The following LRRTM4 variants were observed in gnomAD, a reference collection of about 807,000 sequenced individuals.
The protein encoded by LRRTM4 is leucine rich repeat transmembrane neuronal 4, also known as leucine-rich repeat transmembrane neuronal protein 4.
In LRRTM4, 25 loss-of-function variants were observed where a neutral mutation model predicts 47.6. That is an observed-to-expected ratio of 0.53 (90% CI 0.38 to 0.73). The LOEUF (loss-of-function observed/expected upper bound fraction) is 0.73. Among genes scored for constraint, LRRTM4 ranks in the 30% least tolerant of loss-of-function variants. The pLI is 0.00. For missense variants in LRRTM4, 638 were observed against 713.4 expected, an observed-to-expected ratio of 0.89 and a Z score of 1.20; for synonymous variants, 311 against 269.5, an observed-to-expected ratio of 1.15 and a Z score of -1.51.
At chr2:76,802,321 A>G (rs1469908510) in intron 3 of LRRTM4, among the ~76,000 whole-genome samples, 1 of 152,070 alleles carries the variant, frequency 6.6e-6, no homozygotes, top group African/African-American at 2.4e-5. Context: ...TAGCATTTAT[A>G]TATACTAACA....
intron 3 of LRRTM4, among the ~76,000 whole-genome samples, chr2:76,943,772 G>C (rs1481068893): frequency 6.6e-6 from 1 of 152,094 alleles, no homozygotes; most frequent in African/African-American, 2.4e-5. Context: ...TGAATTATTA[G>C]CATGTAATCC....
chr2:77,263,789 C>T (rs992084112), intron 3 of LRRTM4, among the ~76,000 whole-genome samples: 3 of 152,020 alleles, frequency 2.0e-5, no homozygotes, highest in African/African-American at 4.8e-5. Flanking sequence ...TTTCTCTCTT[C>T]CCCTACTATA....
At chr2:77,085,409 T>C (rs1680678328) in intron 3 of LRRTM4, among the ~76,000 whole-genome samples, 1 of 151,564 alleles carries the variant, frequency 6.6e-6, no homozygotes. Flanking sequence ...TTTAAGGATG[T>C]TATTTGTATA....
intron 3 of LRRTM4, among the ~76,000 whole-genome samples, chr2:76,762,143 C>A (rs949484841): frequency 6.6e-6 from 1 of 152,156 alleles, no homozygotes; most frequent in Non-Finnish European, 1.5e-5. Flanking sequence ...CCAGTATGTA[C>A]CCTCATGGTC....
At chr2:77,243,080 T>C (rs1675314306) in intron 3 of LRRTM4, among the ~76,000 whole-genome samples, 2 of 152,062 alleles carry the variant, frequency 1.3e-5, no homozygotes, top group African/African-American at 4.8e-5. Context: ...TGGATTAACC[T>C]TGAGGAAATT....
rs192377702 is a variant in LRRTM4 at position 77,159,017 on chromosome 2, A to C, written c.1551+359301T>G. Reference sequence around the variant, plus strand: ...ACATAGCTTAATATTTTAACCACTAAACCAGACTTTATATCACTGTTTTGA... The same window carrying C: ...ACATAGCTTAATATTTTAACCACTACACCAGACTTTATATCACTGTTTTGA... On this transcript the variant is annotated intron_variant, in intron 3 of 3. Transcript: ENST00000409884. 5.1e-3 allele frequency among the ~76,000 whole-genome samples: 773 copies of C among 152,302 alleles called. 6 individuals are homozygous for C. The highest frequency in any genetic ancestry group is 0.018 in the African/African-American group (736 of 41,570).
chr2:76,821,486 C>T (rs1671051542), intron 3 of LRRTM4, among the ~76,000 whole-genome samples: 1 of 151,600 alleles, frequency 6.6e-6, no homozygotes, highest in African/African-American at 2.4e-5. Context: ...ATTTCTAAAA[C>T]ATCACAAGAA....
intron 3 of LRRTM4, among the ~76,000 whole-genome samples, chr2:76,996,788 G>A (rs1677217959): frequency 6.6e-6 from 1 of 152,154 alleles, no homozygotes; most frequent in Non-Finnish European, 1.5e-5. Flanking sequence ...ATGAAATTAA[G>A]TGTAGTTATA....
At chr2:77,398,221 T>C (rs1673779868) in intron 3 of LRRTM4, among the ~76,000 whole-genome samples, 1 of 151,874 alleles carries the variant, frequency 6.6e-6, no homozygotes, top group South Asian at 2.1e-4. Flanking sequence ...AACTGGGTCA[T>C]TTCACAGAAT....
intron 3 of LRRTM4, among the ~76,000 whole-genome samples, chr2:76,974,215 TATATATACATAC>T (rs1336350488): frequency 2.1e-5 from 2 of 96,160 alleles, no homozygotes; most frequent in Non-Finnish European, 4.3e-5. Context: ...TATATACACA[TATATATACATAC>T]ATATATATAT....
chr2:76,882,476 G>C (rs1016218042), intron 3 of LRRTM4, among the ~76,000 whole-genome samples: 1 of 151,782 alleles, frequency 6.6e-6, no homozygotes, highest in Non-Finnish European at 1.5e-5. Flanking sequence ...CAGATCTCTT[G>C]AGCTTAGGAG....
intron 3 of LRRTM4, among the ~76,000 whole-genome samples, chr2:76,844,858 A>C (rs997834397): frequency 6.6e-6 from 1 of 152,156 alleles, no homozygotes; most frequent in Non-Finnish European, 1.5e-5. Context: ...AGTCTTTTTA[A>C]AAAACAGAAT....
At chr2:76,932,032 G>T in intron 3 of LRRTM4, among the ~76,000 whole-genome samples, 1 of 152,122 alleles carries the variant, frequency 6.6e-6, no homozygotes, top group Non-Finnish European at 1.5e-5. Flanking sequence ...GAGAATTGAT[G>T]ACTTCGATCA....
chr2:76,777,392 C>A, intron 3 of LRRTM4, among the ~76,000 whole-genome samples: 4 of 144,474 alleles, frequency 2.8e-5, no homozygotes, highest in East Asian at 2.2e-4. Context: ...TACCCATGAG[C>A]ATGGAATGTT....
intron 3 of LRRTM4, among the ~76,000 whole-genome samples, chr2:77,369,453 G>C (rs2103765311): frequency 6.6e-6 from 1 of 151,676 alleles, no homozygotes; most frequent in South Asian, 2.1e-4. Flanking sequence ...GGATAAATAA[G>C]GCAAAAAATA....
chr2:77,383,059 T>C (rs1470342728), intron 3 of LRRTM4, among the ~76,000 whole-genome samples: 1 of 152,058 alleles, frequency 6.6e-6, no homozygotes, highest in Non-Finnish European at 1.5e-5. Context: ...ATACAGAGGA[T>C]AGGGAGAATA....
At chr2:76,844,322 A>G (rs1329110394) in intron 3 of LRRTM4, among the ~76,000 whole-genome samples, 6 of 151,978 alleles carry the variant, frequency 3.9e-5, no homozygotes, top group Non-Finnish European at 7.4e-5. Flanking sequence ...TTTTTGGTAG[A>G]GACGAGGTTT....
At chr2:77,013,231 G>A (rs565137241) in intron 3 of LRRTM4, among the ~76,000 whole-genome samples, 7 of 152,260 alleles carry the variant, frequency 4.6e-5, no homozygotes, top group Non-Finnish European at 8.8e-5. Flanking sequence ...GCAGGAGAAG[G>A]CATGTGCCTT....
chr2:76,926,992 A>G (rs369530385), intron 3 of LRRTM4, among the ~76,000 whole-genome samples: 1 of 152,208 alleles, frequency 6.6e-6, no homozygotes, highest in African/African-American at 2.4e-5. Context: ...GAATGAGGAC[A>G]TAATATTTTA....
Sources: gnomAD v4.1 joint callset for allele counts (sites outside exome capture counted in the v4.1 genomes callset) on GRCh38, gnomAD v4.1.1 for gene constraint, MANE v1.5 for transcripts, NCBI Gene and HGNC (gene_info 2026-07-23, HGNC 2026-07-21) for gene names.